MED13: variants seen among roughly 807,000 people sequenced by gnomAD.
The protein encoded by MED13 is mediator complex subunit 13.
A neutral mutation model predicts 225.2 loss-of-function variants in MED13; 23 were observed. That is an observed-to-expected ratio of 0.10 (90% CI 0.07 to 0.14). The LOEUF is 0.14. Ranked by LOEUF, MED13 falls within the 10% of genes least tolerant of loss-of-function variation. The probability of loss-of-function intolerance (pLI) is 1.00; values close to 1 mark genes in which losing one functional copy is unlikely to be tolerated. For missense variants in MED13, 2,197 were observed against 2,594.5 expected (o/e 0.85, Z 3.33); for synonymous variants, 942 against 889.2 (o/e 1.06, Z -1.06).
chr17:62,002,432 T>C (rs1036506817), intron 9 of MED13, among the ~76,000 whole-genome samples: 8 of 137,596 alleles, frequency 5.8e-5, no homozygotes, highest in Non-Finnish European at 9.0e-5. Context: ...GAGGTTGCAG[T>C]GAGCCGAGAT....
intron 29 of MED13, 107 bp from the exon 30 acceptor site, chr17:61,946,707 T>A: frequency 7.3e-7 from 1 of 1,374,614 alleles, no homozygotes; most frequent in Non-Finnish European, 1.0e-6. Context: ...TAAAAAAGAG[T>A]GTAACAGAGA....
At chr17:62,043,189 G>GAA (rs2080870352) in intron 3 of MED13, among the ~76,000 whole-genome samples, 1 of 98,916 alleles carries the variant, frequency 1.0e-5, no homozygotes, top group African/African-American at 3.7e-5. Context: ...AAAAAAGAAA[G>GAA]AAAGAAAGAA....
chr17:62,020,703 T>TC (rs1308976574), intron 8 of MED13, among the ~76,000 whole-genome samples: 12 of 150,034 alleles, frequency 8.0e-5, no homozygotes, highest in African/African-American at 3.0e-4. Context: ...TTTTTTTTTT[T>TC]TTTAATTGAT....
chr17:61,952,954 AAC>A lies in MED13; in HGVS notation c.6117+9_6117+10del. ...CCGGCCGAGAAAAACTAAAACTTGTAACACAGTTACCTTGCCCGCATCACCTC... is the reference window on the plus strand; with the variant it reads ...CCGGCCGAGAAAAACTAAAACTTGTAACAGTTACCTTGCCCGCATCACCTC... On this transcript the variant is annotated intron_variant, in intron 27 of 29. Transcript: ENST00000397786. 1.9e-6 allele frequency: 3 copies of A among 1,608,936 alleles called. No homozygotes were observed. The highest frequency in any genetic ancestry group is 2.5e-6 in the Non-Finnish European group (3 of 1,178,542).
intron 9 of MED13, among the ~76,000 whole-genome samples, chr17:62,001,368 T>TCTATA (rs575359580): frequency 3.1e-4 from 47 of 152,350 alleles, no homozygotes; most frequent in African/African-American, 1.1e-3. Flanking sequence ...CACATCACTT[T>TCTATA]CTATATGAGT....
chr17:61,949,351 T>C (rs2079877656), intron 28 of MED13, among the ~76,000 whole-genome samples: 1 of 151,724 alleles, frequency 6.6e-6, no homozygotes, highest in African/African-American at 2.4e-5. Flanking sequence ...TGCCCCAGCT[T>C]TTCATGTTAT....
At chr17:61,976,305 A>G (rs541873602) in intron 16 of MED13, among the ~76,000 whole-genome samples, 1 of 152,236 alleles carries the variant, frequency 6.6e-6, no homozygotes, top group Non-Finnish European at 1.5e-5. Context: ...CAGTCACTGA[A>G]GACCATACAG....
Position 61,990,968 on chromosome 17 carries a change from T to C in MED13, c.2263+1572A>G, listed in dbSNP as rs74847019. ...AGCAAAATTCCAGTAAAGTTTAATT[T>C]AGAAATTGTGGTTTTAGATCTGAAG... On this transcript the variant is annotated intron_variant, in intron 11 of 29. Coordinates refer to ENST00000397786, the MANE Select transcript of MED13 (RefSeq NM_005121.3). Among the ~76,000 whole-genome samples, 515 of 152,270 alleles carry C rather than the reference T, an allele frequency of 3.4e-3. 1 individual carries two copies. Among genetic ancestry groups the C allele is most frequent in the African/African-American group, 0.012 (494 of 41,544 alleles).
At chr17:62,060,150 G>A (rs1050625887) in intron 2 of MED13, among the ~76,000 whole-genome samples, 4 of 152,026 alleles carry the variant, frequency 2.6e-5, no homozygotes, top group African/African-American at 7.3e-5. Flanking sequence ...AAAATTAGCC[G>A]AGTGTGGCAG....
intron 2 of MED13, among the ~76,000 whole-genome samples, chr17:62,053,056 T>C (rs2080969549): frequency 6.6e-6 from 1 of 152,214 alleles, no homozygotes; most frequent in Non-Finnish European, 1.5e-5. Context: ...ATGATGCCAA[T>C]TTCTAAGCTG....
Position 61,976,256 on chromosome 17 carries a change from T to C in MED13, c.3806-3368A>G, listed in dbSNP as rs541649121. On this transcript the variant is annotated intron_variant, in intron 16 of 29. Coordinates refer to ENST00000397786, the MANE Select transcript of MED13 (RefSeq NM_005121.3). ...TAAAGTACTAATATGTGCTATAGCA[T>C]AGATGAACCTTGAAAACATTATGGA... Among the ~76,000 whole-genome samples the C allele has an allele frequency of 2.3e-3, 346 of 152,324 alleles. 3 individuals carry two copies. The highest frequency in any genetic ancestry group is 0.01 in the Middle Eastern group (3 of 294).
At chr17:62,020,658 C>T (rs868480670) in intron 8 of MED13, among the ~76,000 whole-genome samples, 22 of 145,662 alleles carry the variant, frequency 1.5e-4, no homozygotes, top group African/African-American at 4.5e-4. Context: ...GGATTTCAGG[C>T]GTGAGTCACT....
Position 61,942,611 on chromosome 17 carries a change from C to T in MED13, c.*3857G>A, listed in dbSNP as rs1256470529. 1.3e-5 allele frequency: 2 copies of T among 151,434 alleles called. No individual in the cohort carries two copies. Among genetic ancestry groups the T allele is most frequent in the Non-Finnish European group, 2.9e-5 (2 of 67,800 alleles). The allele number at this position is 151,434 out of a possible 1,614,324, so 9.4% of individuals were successfully genotyped here. On this transcript the variant is annotated 3_prime_UTR_variant, in exon 30 of 30. Coordinates refer to ENST00000397786, the MANE Select transcript of MED13 (RefSeq NM_005121.3). ...ACAGAATAAGACACAACAATGAAGG[C>T]TTCATGAATAATTTATTCCATTTGA...
In MED13 at chr17:61,990,252, T is replaced by C. The variant is rs914793298; in HGVS notation, c.2263+2288A>G. On this transcript the variant is annotated intron_variant, in intron 11 of 29. Coordinates refer to ENST00000397786, the MANE Select transcript of MED13 (RefSeq NM_005121.3). ...AAAAAGGTATGTAAGGTAATGCATATGTTAAACAGCTTGATCTACCCATTC... is the reference window on the plus strand; with the variant it reads ...AAAAAGGTATGTAAGGTAATGCATACGTTAAACAGCTTGATCTACCCATTC... 4.6e-5 allele frequency among the ~76,000 whole-genome samples: 7 copies of C among 152,248 alleles called. No individual in the cohort carries two copies. In the South Asian group the frequency reaches 1.4e-3, roughly 32 times the overall value.
chr17:62,062,956 GGCCTCCTAA>G lies in MED13; in HGVS notation c.301+102_301+110del, dbSNP rs111690417. Reference sequence around the variant, plus strand: ...AAACAATGAAGCTGAATTTTTATCTGGCCTCCTAAGTCTCCCACAAAAACAAACTTAATT... The same window carrying G: ...AAACAATGAAGCTGAATTTTTATCTGGTCTCCCACAAAAACAAACTTAATT... On this transcript the variant is annotated intron_variant, in intron 2 of 29. Coordinates refer to ENST00000397786, the MANE Select transcript of MED13 (RefSeq NM_005121.3). The G allele has an allele frequency of 3.0e-4, 207 of 683,738 alleles. 5 individuals carry two copies. Among genetic ancestry groups the G allele is most frequent in the African/African-American group, 2.9e-3 (164 of 55,944 alleles). The allele number at this position is 683,738 out of a possible 1,614,324, so 42.4% of individuals were successfully genotyped here.
chr17:62,027,006 T>C (rs1332619682), intron 8 of MED13, among the ~76,000 whole-genome samples: 3 of 152,176 alleles, frequency 2.0e-5, no homozygotes. Context: ...AAAATGGCCA[T>C]ACTGCCCAAA....
chr17:61,998,762 G>C (rs1470819985), intron 9 of MED13, among the ~76,000 whole-genome samples: 1 of 151,446 alleles, frequency 6.6e-6, no homozygotes, highest in Non-Finnish European at 1.5e-5. Context: ...ACCACACTTG[G>C]CTAGTTTTTT....
intron 3 of MED13, among the ~76,000 whole-genome samples, chr17:62,035,990 A>G (rs934827767): frequency 6.6e-6 from 1 of 151,492 alleles, no homozygotes. Context: ...GGGTCTCAGT[A>G]TGTTGCCCAG....
chr17:61,958,867 T>A (rs1280889337), intron 23 of MED13, among the ~76,000 whole-genome samples: 1 of 152,210 alleles, frequency 6.6e-6, no homozygotes, highest in African/African-American at 2.4e-5. Context: ...AACAACTCTA[T>A]GAGACAAATA....
Sources: gnomAD v4.1 joint callset for allele counts (sites outside exome capture counted in the v4.1 genomes callset) on GRCh38, gnomAD v4.1.1 for gene constraint, MANE v1.5 for transcripts, NCBI Gene and HGNC (gene_info 2026-07-23, HGNC 2026-07-21) for gene names.